Variants in UBE2D3 observed in about 807,000 individuals in gnomAD.
UBE2D3 encodes the protein ubiquitin conjugating enzyme E2 D3, also known as ubiquitin-conjugating enzyme E2 D3.
UBE2D3 carries 2 observed loss-of-function variants against 22.8 expected under a neutral mutation model. The observed-to-expected ratio is 0.09, with a 90% CI of 0.04 to 0.28. The LOEUF (loss-of-function observed/expected upper bound fraction) is 0.28. Among genes scored for constraint, UBE2D3 ranks in the 10% least tolerant of loss-of-function variants. The pLI is 1.00. For synonymous variants in UBE2D3, 56 were observed against 60.4 expected, an observed-to-expected ratio of 0.93 and a Z score of 0.34; for missense variants, 27 against 182.5, an observed-to-expected ratio of 0.15 and a Z score of 4.91.
chr4:102,807,966 G>A (rs887047132), intron 4 of UBE2D3, among the ~76,000 whole-genome samples: 7 of 152,158 alleles, frequency 4.6e-5, no homozygotes, highest in Non-Finnish European at 1.0e-4. Context: ...AATTACCAAC[G>A]CTTCTGTGCT....
intron 1 of UBE2D3, among the ~76,000 whole-genome samples, chr4:102,835,489 A>G (rs1003088793): frequency 2.6e-5 from 4 of 152,250 alleles, no homozygotes; most frequent in African/African-American, 7.2e-5. Context: ...ATATAAAGAC[A>G]GGCACTCAGA....
chr4:102,809,721 A>C lies in UBE2D3; in HGVS notation c.89-18T>G. The C allele has an allele frequency of 9.9e-6, 16 of 1,612,586 alleles. No individual in the cohort carries two copies. Among genetic ancestry groups the C allele is most frequent in the Non-Finnish European group, 1.3e-5 (15 of 1,179,722 alleles). On this transcript the variant is annotated intron_variant, in intron 3 of 7. Coordinates refer to ENST00000453744, the MANE Select transcript of UBE2D3 (RefSeq NM_181891.3). ...ATGAAACACTAGAAAAAGAAAAAAA[A>C]CTCTGGTTATCTAAAAATGCACAAG...
At chr4:102,825,343 A>G in intron 2 of UBE2D3, 1 of 1,002,276 alleles carries the variant, frequency 1.0e-6, no homozygotes, top group Non-Finnish European at 1.2e-6. Flanking sequence ...AACCAAACAC[A>G]TCACACAAAT....
At chr4:102,855,634 G>T (rs924648079) in intron 1 of UBE2D3, among the ~76,000 whole-genome samples, 3 of 152,110 alleles carry the variant, frequency 2.0e-5, no homozygotes, top group African/African-American at 7.2e-5. Context: ...ACGTTTCCCA[G>T]GCTGCTTCAA....
chr4:102,861,635 AT>A (rs2110380359), intron 1 of UBE2D3, among the ~76,000 whole-genome samples: 1 of 152,128 alleles, frequency 6.6e-6, no homozygotes, highest in East Asian at 1.9e-4. Context: ...TTATTTTATT[AT>A]TTAATGACTA....
chr4:102,801,664 A>C, intron 5 of UBE2D3, 105 bp from the exon 6 acceptor site: 1 of 927,624 alleles, frequency 1.1e-6, no homozygotes, highest in Non-Finnish European at 1.6e-6. Flanking sequence ...ATCTATTAGC[A>C]TAGAAGTTCT....
chr4:102,821,880 T>A (rs1482720524), intron 2 of UBE2D3, among the ~76,000 whole-genome samples: 1 of 152,226 alleles, frequency 6.6e-6, no homozygotes, highest in Admixed American at 6.5e-5. Flanking sequence ...TAAGCTCTTC[T>A]ATACGCTAAC....
chr4:102,811,043 G>A (rs2110285955), intron 2 of UBE2D3: 1 of 131,744 alleles, frequency 7.6e-6, no homozygotes, highest in South Asian at 2.4e-4. Flanking sequence ...GGTAAGGTTT[G>A]GGATTCCATT....
intron 1 of UBE2D3, among the ~76,000 whole-genome samples, chr4:102,865,075 C>T (rs1261825185): frequency 6.6e-6 from 1 of 152,146 alleles, no homozygotes; most frequent in Non-Finnish European, 1.5e-5. Context: ...TTAGCAAAAA[C>T]ACAGGTGAAT....
At chr4:102,868,719 G>GAA (rs777926885) in exon 1 of UBE2D3, 2 of 1,614,026 alleles carry the variant, frequency 1.2e-6, no homozygotes, top group Admixed American at 3.3e-5. Context: ...ACTCACTTTT[G>GAA]AAAGGCACTT....
chr4:102,858,274 TGATAA>T (rs1323678843), intron 1 of UBE2D3, among the ~76,000 whole-genome samples: 3 of 152,026 alleles, frequency 2.0e-5, no homozygotes, highest in Admixed American at 2.0e-4. Context: ...CTCAAAATGC[TGATAA>T]GATGAATCTG....
upstream of UBE2D3, among the ~76,000 whole-genome samples, chr4:102,832,216 G>A (rs1213938255): frequency 1.3e-5 from 2 of 152,170 alleles, no homozygotes; most frequent in Non-Finnish European, 2.9e-5. Context: ...CTCCTAGGAA[G>A]AGGAAACAGC....
chr4:102,841,122 T>C (rs1419517683), intron 1 of UBE2D3, among the ~76,000 whole-genome samples: 1 of 152,064 alleles, frequency 6.6e-6, no homozygotes, highest in Admixed American at 6.6e-5. Flanking sequence ...TGTTTACCAA[T>C]AAATTGGACA....
At chr4:102,805,724 A>C (rs961621129) in intron 4 of UBE2D3, among the ~76,000 whole-genome samples, 9 of 152,166 alleles carry the variant, frequency 5.9e-5, no homozygotes, top group African/African-American at 2.2e-4. Context: ...GAGTTGCAAA[A>C]TATATCTCTG....
chr4:102,844,789 G>T (rs1012331036), intron 1 of UBE2D3, among the ~76,000 whole-genome samples: 2 of 152,012 alleles, frequency 1.3e-5, no homozygotes, highest in Non-Finnish European at 2.9e-5. Flanking sequence ...GGGAGGCCGA[G>T]GTGGGTGGAT....
intron 1 of UBE2D3, among the ~76,000 whole-genome samples, chr4:102,847,948 A>C (rs1342999482): frequency 6.6e-6 from 1 of 152,032 alleles, no homozygotes; most frequent in Admixed American, 6.6e-5. Context: ...CCCTTAACCC[A>C]CGTATGCCTA....
At chr4:102,827,025 C>G in intron 1 of UBE2D3, 2 of 993,820 alleles carry the variant, frequency 2.0e-6, no homozygotes, top group Non-Finnish European at 2.4e-6. Context: ...GGACGCCGGG[C>G]TGCTTTCGGT....
intron 1 of UBE2D3, among the ~76,000 whole-genome samples, chr4:102,846,271 A>G (rs1162787445): frequency 6.6e-6 from 1 of 152,160 alleles, no homozygotes; most frequent in Non-Finnish European, 1.5e-5. Flanking sequence ...GCATTCCTTA[A>G]TGACATGGTG....
upstream of UBE2D3, chr4:102,828,205 C>G (rs1482532472): frequency 3.0e-6 from 3 of 985,330 alleles, no homozygotes; most frequent in African/African-American, 5.2e-5. Context: ...CGCGCAGACA[C>G]AGCCTTGTCT....
Sources: gnomAD v4.1 joint callset for allele counts (sites outside exome capture counted in the v4.1 genomes callset) on GRCh38, gnomAD v4.1.1 for gene constraint, MANE v1.5 for transcripts, NCBI Gene and HGNC (gene_info 2026-07-23, HGNC 2026-07-21) for gene names.